Variants in RNF145 observed in about 807,000 individuals in gnomAD.
RNF145 encodes ring finger protein 145.
A neutral mutation model predicts 57.3 loss-of-function variants in RNF145; 12 were observed. The ratio of observed to expected loss-of-function variants is 0.21; its 90% CI spans 0.13 to 0.34. The LOEUF is 0.34. Among genes scored for constraint, RNF145 ranks in the 10% least tolerant of loss-of-function variants. The pLI is 1.00. For synonymous variants in RNF145, 262 were observed against 288.3 expected (o/e 0.91, Z 0.92); for missense variants, 429 against 799.0 (o/e 0.54, Z 5.58).
chr5:159,163,116 C>T (rs1784284177), intron 8 of RNF145, 37 bp from the exon 9 acceptor site: 2 of 1,558,772 alleles, frequency 1.3e-6, no homozygotes, highest in East Asian at 4.5e-5. Flanking sequence ...TAAGTGCCTG[C>T]CACCTAGTAG....
intron 6 of RNF145, among the ~76,000 whole-genome samples, chr5:159,170,842 C>T (rs760819280): frequency 2.0e-5 from 3 of 152,328 alleles, no homozygotes; most frequent in African/African-American, 4.8e-5. Context: ...CCTCCCACCT[C>T]GGCCTCCCAA....
At chr5:159,188,761 A>T (rs553363138) in intron 3 of RNF145, among the ~76,000 whole-genome samples, 3 of 152,318 alleles carry the variant, frequency 2.0e-5, no homozygotes, top group African/African-American at 7.2e-5. Flanking sequence ...AGCTATATCC[A>T]TTCTATAGAC....
intron 2 of RNF145, 122 bp from the exon 3 acceptor site, chr5:159,194,946 T>C: frequency 1.6e-6 from 1 of 644,696 alleles, no homozygotes. Flanking sequence ...AGGTTTTTTA[T>C]TATACTTACC....
intron 1 of RNF145, chr5:159,207,899 G>A: frequency 6.2e-7 from 1 of 1,612,818 alleles, no homozygotes; most frequent in African/African-American, 1.3e-5. Flanking sequence ...TCTGCCATCG[G>A]CCGCTCAGCC....
At chr5:159,198,344 G>A (rs889691590) in intron 2 of RNF145, among the ~76,000 whole-genome samples, 3 of 152,172 alleles carry the variant, frequency 2.0e-5, no homozygotes, top group African/African-American at 7.2e-5. Flanking sequence ...TCAAAATGAT[G>A]ACCTGCTTAA....
At chr5:159,165,723 AAAAAAAAAAAT>A (rs2113095444) in intron 8 of RNF145, among the ~76,000 whole-genome samples, 6 of 6,624 alleles carry the variant, frequency 9.1e-4, no homozygotes, top group Admixed American at 2.3e-3. Flanking sequence ...AAAAAAAAAA[AAAAAAAAAAAT>A]AATAATATCC....
intron 3 of RNF145, among the ~76,000 whole-genome samples, chr5:159,192,039 C>A (rs1285232632): frequency 6.7e-6 from 1 of 148,278 alleles, no homozygotes; most frequent in Non-Finnish European, 1.5e-5. Context: ...AACCAAGAAT[C>A]GAAAATATTC....
chr5:159,170,160 T>C (rs549548995), intron 6 of RNF145, among the ~76,000 whole-genome samples: 108 of 152,332 alleles, frequency 7.1e-4, no homozygotes, highest in African/African-American at 2.5e-3. Context: ...GCTTGTACAG[T>C]TGCCCACTCT....
At position 159,190,330 on chromosome 5, in the gene RNF145, G is replaced by A. The variant is rs538428186; in HGVS notation, c.293+4386C>T. 3.3e-5 allele frequency among the ~76,000 whole-genome samples: 5 copies of A among 152,130 alleles called. No individual in the cohort carries two copies. In the East Asian group the frequency reaches 9.7e-4, roughly 29 times the overall value. On this transcript the variant is annotated intron_variant, in intron 3 of 10. Coordinates refer to ENST00000424310, the MANE Select transcript of RNF145 (RefSeq NM_001199383.2). Reference sequence around the variant, plus strand: ...ATTACAAGTGTGAGCCACCATACAAGGCCCTTGAGCTATATACTTTAATCA... The same window carrying A: ...ATTACAAGTGTGAGCCACCATACAAAGCCCTTGAGCTATATACTTTAATCA...
chr5:159,209,799 G>A, upstream of RNF145: 2 of 1,491,050 alleles, frequency 1.3e-6, no homozygotes, highest in South Asian at 2.4e-5. Context: ...TCTGACACAC[G>A]TGCTCTCTCA....
chr5:159,161,237 C>T lies in RNF145; in HGVS notation c.1626+29G>A, dbSNP rs775504350. On this transcript the variant is annotated intron_variant, in intron 10 of 10. Coordinates refer to ENST00000424310, the MANE Select transcript of RNF145 (RefSeq NM_001199383.2). Reference sequence around the variant, plus strand: ...CCCAAGGGATACACTGTATGACTTACCCAAACACATTCTTATTGAAGGAGT... The same window carrying T: ...CCCAAGGGATACACTGTATGACTTATCCAAACACATTCTTATTGAAGGAGT... 2.1e-5 allele frequency: 30 copies of T among 1,453,148 alleles called. No individual in the cohort carries two copies. The South Asian group carries it at 3.6e-4, about 18-fold the overall frequency. 90.0% of individuals were successfully genotyped at this position (1,453,148 alleles called of 1,614,324 possible).
At position 159,194,836 on chromosome 5, in the gene RNF145, A is replaced by C; in HGVS notation, c.185-12T>G. ...ACTTAAGATATAACCTGTACCAGAA[A>C]GATAAATAAAATACAATTTTAATTT... On this transcript the variant is annotated splice_polypyrimidine_tract_variant and intron_variant, in intron 2 of 10. Coordinates refer to ENST00000424310, the MANE Select transcript of RNF145 (RefSeq NM_001199383.2). 3 of 1,512,680 alleles carry C rather than the reference A, an allele frequency of 2.0e-6. No homozygotes were observed. The highest frequency in any genetic ancestry group is 2.7e-6 in the Non-Finnish European group (3 of 1,106,212). 93.7% of individuals were successfully genotyped at this position (1,512,680 alleles called of 1,614,324 possible). A position where few individuals can be genotyped will look rare whatever the true frequency, so the allele number is the denominator to read the frequency against.
chr5:159,192,877 A>G (rs931497232), intron 3 of RNF145, among the ~76,000 whole-genome samples: 12 of 152,244 alleles, frequency 7.9e-5, no homozygotes, highest in Non-Finnish European at 1.5e-4. Context: ...GTTACTCCAG[A>G]GCTCAGTATA....
chr5:159,189,107 G>A (rs1785190522), intron 3 of RNF145, among the ~76,000 whole-genome samples: 1 of 151,266 alleles, frequency 6.6e-6, no homozygotes, highest in Non-Finnish European at 1.5e-5. Flanking sequence ...TCTGATAAGG[G>A]ACTTGTATAT....
chr5:159,194,660 G>T, intron 3 of RNF145, 56 bp downstream of exon 3: 2 of 1,128,106 alleles, frequency 1.8e-6, no homozygotes, highest in Non-Finnish European at 2.7e-6. Context: ...TATTTTATTG[G>T]CAAAAGAAAA....
chr5:159,180,537 C>G (rs1784856878), intron 4 of RNF145, among the ~76,000 whole-genome samples: 1 of 152,050 alleles, frequency 6.6e-6, no homozygotes, highest in Non-Finnish European at 1.5e-5. Flanking sequence ...ACAGTCAAAA[C>G]ACTCAACAAG....
intron 3 of RNF145, 70 bp downstream of exon 3, chr5:159,194,646 A>C (rs1387355488): frequency 1.0e-6 from 1 of 1,003,476 alleles, no homozygotes; most frequent in Non-Finnish European, 1.6e-6. Flanking sequence ...GTGTTCATGA[A>C]AAGTATTTTA....
chr5:159,209,302 C>T lies in RNF145; in HGVS notation c.-111G>A. 5 of 985,468 alleles carry T rather than the reference C, an allele frequency of 5.1e-6. No individual in the cohort carries two copies. The highest frequency in any genetic ancestry group is 6.0e-6 in the Non-Finnish European group (5 of 829,932). 61.0% of individuals were successfully genotyped at this position (985,468 alleles called of 1,614,324 possible). On this transcript the variant is annotated 5_prime_UTR_variant, in exon 1 of 11. Transcript: ENST00000424310. ...GGGCTCCGCAACTCCCCGGCTCTCT[C>T]GCCCGCCCTCCCGTTCTCCTCGGGC...
intron 6 of RNF145, among the ~76,000 whole-genome samples, chr5:159,172,790 T>C (rs2113123891): frequency 6.6e-6 from 1 of 152,310 alleles, no homozygotes; most frequent in East Asian, 1.9e-4. Context: ...GTCTTAAATT[T>C]CTCATAGCCT....
Sources: allele counts gnomAD v4.1 joint callset (sites outside exome capture counted in the v4.1 genomes callset), GRCh38; gene constraint gnomAD v4.1.1; transcripts MANE v1.5; gene names NCBI Gene and HGNC (gene_info 2026-07-23, HGNC 2026-07-21).